The following THSD7A variants were observed in gnomAD, a reference collection of about 807,000 sequenced individuals.
The protein encoded by THSD7A is thrombospondin type-1 domain-containing protein 7A.
THSD7A carries 96 observed loss-of-function variants against 231.3 expected under a neutral mutation model. The ratio of observed to expected loss-of-function variants is 0.41; its 90% CI spans 0.35 to 0.49. THSD7A has a LOEUF of 0.49. Among genes scored for constraint, THSD7A ranks in the 20% least tolerant of loss-of-function variants. The probability of loss-of-function intolerance (pLI) is 0.05; values close to 1 mark genes in which losing one functional copy is unlikely to be tolerated. For missense variants in THSD7A, 2,290 were observed against 2,070.2 expected, an observed-to-expected ratio of 1.11 and a Z score of -2.06; for synonymous variants, 940 against 743.3, an observed-to-expected ratio of 1.26 and a Z score of -4.30.
intron 4 of THSD7A, among the ~76,000 whole-genome samples, chr7:11,570,972 T>G (rs1790603285): frequency 6.6e-6 from 1 of 152,196 alleles, no homozygotes; most frequent in South Asian, 2.1e-4. Flanking sequence ...TCTGTCTCCA[T>G]TCTTGATGAA....
At chr7:11,801,766 A>T (rs1452781207) in intron 1 of THSD7A, among the ~76,000 whole-genome samples, 1 of 152,202 alleles carries the variant, frequency 6.6e-6, no homozygotes, top group African/African-American at 2.4e-5. Flanking sequence ...TGTCGTAATC[A>T]TGTTTTTCTA....
intron 1 of THSD7A, among the ~76,000 whole-genome samples, chr7:11,707,527 C>T (rs1780808770): frequency 6.6e-6 from 1 of 150,942 alleles, no homozygotes; most frequent in African/African-American, 2.4e-5. Flanking sequence ...CATTTGTTAG[C>T]TAAAATCAAT....
chr7:11,601,047 C>T (rs1780533968), intron 2 of THSD7A, among the ~76,000 whole-genome samples: 1 of 152,140 alleles, frequency 6.6e-6, no homozygotes, highest in Non-Finnish European at 1.5e-5. Flanking sequence ...GAAGATTTCA[C>T]TTTTATACTT....
chr7:11,762,736 T>C (rs930869456), intron 1 of THSD7A, among the ~76,000 whole-genome samples: 1 of 152,194 alleles, frequency 6.6e-6, no homozygotes, highest in African/African-American at 2.4e-5. Flanking sequence ...AACTCTTTAA[T>C]TTATTTAAGT....
At chr7:11,623,872 C>T (rs1472114455) in intron 2 of THSD7A, among the ~76,000 whole-genome samples, 1 of 152,134 alleles carries the variant, frequency 6.6e-6, no homozygotes, top group Non-Finnish European at 1.5e-5. Context: ...GTTTCCCTGA[C>T]TTTCGTCTAT....
At chr7:11,679,616 T>C (rs955535249) in intron 1 of THSD7A, among the ~76,000 whole-genome samples, 2 of 151,840 alleles carry the variant, frequency 1.3e-5, no homozygotes, top group Admixed American at 1.3e-4. Flanking sequence ...GAGAATAAAA[T>C]ACCTAGGAAT....
At chr7:11,546,857 A>G (rs1789421659) in intron 4 of THSD7A, among the ~76,000 whole-genome samples, 1 of 152,194 alleles carries the variant, frequency 6.6e-6, no homozygotes, top group East Asian at 1.9e-4. Context: ...TTTAAGAAAA[A>G]AAACAAACTG....
chr7:11,817,657 T>A lies in THSD7A; in HGVS notation c.190+14100A>T, dbSNP rs539162746. On this transcript the variant is annotated intron_variant, in intron 1 of 27. Coordinates refer to ENST00000423059, the MANE Select transcript of THSD7A (RefSeq NM_015204.3). The stretch of plus-strand genomic sequence containing the variant: ...ATTATAGCCAAGTAAGGGATAACAT[T>A]TACTGAGCAGTTACTTGTGCCAGGC... Among the ~76,000 whole-genome samples, 255 of 152,314 alleles carry A rather than the reference T, an allele frequency of 1.7e-3. 1 individual carries two copies. Among genetic ancestry groups the A allele is most frequent in the African/African-American group, 5.9e-3 (246 of 41,570 alleles).
chr7:11,812,853 C>T (rs1363214681), intron 1 of THSD7A, among the ~76,000 whole-genome samples: 1 of 152,128 alleles, frequency 6.6e-6, no homozygotes, highest in Non-Finnish European at 1.5e-5. Flanking sequence ...TGGTTTTAAA[C>T]TAAGAGTGTG....
At chr7:11,603,422 T>G (rs1299573909) in intron 2 of THSD7A, among the ~76,000 whole-genome samples, 1 of 152,118 alleles carries the variant, frequency 6.6e-6, no homozygotes, top group Non-Finnish European at 1.5e-5. Flanking sequence ...ACTTTTACAC[T>G]GTTGGTGGGA....
At chr7:11,390,652 C>T (rs904789186) in intron 23 of THSD7A, among the ~76,000 whole-genome samples, 2 of 152,134 alleles carry the variant, frequency 1.3e-5, no homozygotes, top group African/African-American at 4.8e-5. Flanking sequence ...GAGGTGTGAT[C>T]CTTTGGAGGG....
chr7:11,830,280 C>A (rs570776486), intron 1 of THSD7A, among the ~76,000 whole-genome samples: 1 of 152,180 alleles, frequency 6.6e-6, no homozygotes, highest in Non-Finnish European at 1.5e-5. Flanking sequence ...TGTTACTTTG[C>A]TAGTATAAAT....
At chr7:11,421,575 G>A (rs980656010) in intron 16 of THSD7A, among the ~76,000 whole-genome samples, 1 of 152,040 alleles carries the variant, frequency 6.6e-6, no homozygotes, top group Admixed American at 6.6e-5. Context: ...TGTTTTACAA[G>A]TAATATACTC....
intron 1 of THSD7A, among the ~76,000 whole-genome samples, chr7:11,675,855 G>A (rs150879663): frequency 0.011 from 1,731 of 152,286 alleles, 13 homozygotes; most frequent in South Asian, 0.017. Flanking sequence ...TGACTTAAAC[G>A]TTCCTGCCTG....
At chr7:11,378,259 C>G (rs1452321937) in intron 26 of THSD7A, 5 of 152,058 alleles carry the variant, frequency 3.3e-5, no homozygotes, top group African/African-American at 7.2e-5. Flanking sequence ...ACTTCATAGA[C>G]TAGTAGTTCT....
intron 1 of THSD7A, among the ~76,000 whole-genome samples, chr7:11,648,182 G>A (rs572300107): frequency 6.6e-6 from 1 of 152,130 alleles, no homozygotes; most frequent in African/African-American, 2.4e-5. Flanking sequence ...CTAAATATAA[G>A]CTCACAGCTC....
intron 1 of THSD7A, among the ~76,000 whole-genome samples, chr7:11,696,492 C>T (rs1780405533): frequency 6.6e-6 from 1 of 151,322 alleles, no homozygotes; most frequent in Non-Finnish European, 1.5e-5. Context: ...CATAGGTATA[C>T]ATGTGCCATG....
chr7:11,740,671 C>T (rs747807788), intron 1 of THSD7A, among the ~76,000 whole-genome samples: 20 of 151,910 alleles, frequency 1.3e-4, no homozygotes, highest in Non-Finnish European at 2.2e-4. Flanking sequence ...TTGAGAAATG[C>T]TCTCCCTGTT....
chr7:11,675,815 G>A (rs1783617315), intron 1 of THSD7A, among the ~76,000 whole-genome samples: 1 of 152,202 alleles, frequency 6.6e-6, no homozygotes, highest in Non-Finnish European at 1.5e-5. Flanking sequence ...AGCAACTGAG[G>A]TAAGGGGCGG....
Sources: gnomAD v4.1 joint callset for allele counts (sites outside exome capture counted in the v4.1 genomes callset) on GRCh38, gnomAD v4.1.1 for gene constraint, MANE v1.5 for transcripts, NCBI Gene and HGNC (gene_info 2026-07-23, HGNC 2026-07-21) for gene names.